Variants in LRRC49 observed in about 807,000 individuals in gnomAD.
LRRC49 encodes the protein leucine-rich repeat-containing protein 49.
In LRRC49, 50 loss-of-function variants were observed where a neutral mutation model predicts 83.3. That is an observed-to-expected ratio of 0.60 (90% CI 0.48 to 0.76). The LOEUF is 0.76. Ranked by LOEUF, LRRC49 falls within the 30% of genes least tolerant of loss-of-function variation. The pLI is 0.00. For missense variants in LRRC49, 704 were observed against 809.1 expected (o/e 0.87, Z 1.58); for synonymous variants, 286 against 283.3 (o/e 1.01, Z -0.10).
chr15:70,853,949 G>A lies in LRRC49; in HGVS notation c.-299+480G>A, dbSNP rs768329627. ...GCCCCAGCCGGGGCTGAGGTACCGG[G>A]CCGGGTCCCCGGCGCCCCGAGTCTC... On this transcript the variant is annotated intron_variant, in intron 1 of 16. Transcript: ENST00000544974. 1.3e-4 allele frequency: 194 copies of A among 1,449,206 alleles called. No homozygotes were observed. The highest frequency in any genetic ancestry group is 2.1e-4 in the Middle Eastern group (1 of 4,870). The allele number at this position is 1,449,206 out of a possible 1,614,324, so 89.8% of individuals were successfully genotyped here.
chr15:70,909,568 C>T (rs755687402), intron 5 of LRRC49, among the ~76,000 whole-genome samples: 35 of 152,076 alleles, frequency 2.3e-4, no homozygotes, highest in African/African-American at 4.3e-4. Context: ...GGGCTGGGCG[C>T]GGTGGCTCAT....
At chr15:70,932,385 A>T (rs148687698) in intron 7 of LRRC49, among the ~76,000 whole-genome samples, 1 of 152,264 alleles carries the variant, frequency 6.6e-6, no homozygotes, top group Admixed American at 6.5e-5. Context: ...AAAAAGGAAT[A>T]CTTCATTGTT....
chr15:70,892,995 G>A (rs2033653781), intron 1 of LRRC49, 53 bp downstream of exon 1: 1 of 1,594,032 alleles, frequency 6.3e-7, no homozygotes, highest in Admixed American at 1.7e-5. Context: ...CTTTCTGACT[G>A]GCGTCTTTGT....
chr15:70,892,905 G>A lies in LRRC49; in HGVS notation c.11G>A (p.Gly4Glu), dbSNP rs2033646823. Residue 4 changes from glycine to glutamate, a missense_variant, in exon 1 of 16, where the codon GGG becomes GAG. This residue lies in a region of LRRC49 where 261 missense variants were observed against 330.5 expected (regional missense o/e 0.79). Transcript: ENST00000260382. The part of the protein sequence containing the change: MIP[G>E]KYRSVSGRAA... ...GGACTGTCTCCTATCATGATTCCCG[G>A]GAAATATCGCTCTGTTTCTGGCCGG... The A allele has an allele frequency of 6.2e-7, 1 of 1,614,056 alleles. No homozygotes were observed. Among genetic ancestry groups the A allele is most frequent in the South Asian group, 1.1e-5 (1 of 91,086 alleles).
intron 8 of LRRC49, among the ~76,000 whole-genome samples, chr15:70,949,926 G>A (rs2036155626): frequency 6.6e-6 from 1 of 152,124 alleles, no homozygotes; most frequent in Non-Finnish European, 1.5e-5. Context: ...AGTGAGCACA[G>A]TACCAGATAG....
At chr15:70,996,358 C>G (rs983632341) in intron 11 of LRRC49, among the ~76,000 whole-genome samples, 1 of 151,948 alleles carries the variant, frequency 6.6e-6, no homozygotes, top group Non-Finnish European at 1.5e-5. Flanking sequence ...TGCATTTTAT[C>G]TAAACAAGGA....
chr15:71,031,459 AG>A (rs1464007697), intron 14 of LRRC49, among the ~76,000 whole-genome samples: 1 of 152,210 alleles, frequency 6.6e-6, no homozygotes, highest in East Asian at 1.9e-4. Context: ...TCTCCCATTC[AG>A]GAGGCACGGG....
intron 14 of LRRC49, among the ~76,000 whole-genome samples, chr15:71,023,614 G>C (rs1368683918): frequency 1.3e-5 from 2 of 152,212 alleles, no homozygotes; most frequent in African/African-American, 4.8e-5. Context: ...AGGGCAAGGG[G>C]AGCTCCCACC....
At chr15:71,037,098 C>T (rs979230333) in intron 14 of LRRC49, 81 bp from the exon 15 acceptor site, 2 of 945,242 alleles carry the variant, frequency 2.1e-6, no homozygotes, top group Admixed American at 4.6e-5. Context: ...TATATGTTCT[C>T]CTCTAAAGTC....
intron 7 of LRRC49, among the ~76,000 whole-genome samples, chr15:70,929,345 G>A (rs559401050): frequency 1.3e-5 from 2 of 152,264 alleles, no homozygotes; most frequent in South Asian, 2.1e-4. Context: ...ACACTATACT[G>A]TAGTCTATTA....
chr15:70,883,898 C>T (rs1389797251), intron 2 of LRRC49, among the ~76,000 whole-genome samples: 1 of 151,364 alleles, frequency 6.6e-6, no homozygotes. Flanking sequence ...TCAAGTGATC[C>T]GCCTGCCTCA....
chr15:71,007,196 C>T (rs2038487888), intron 11 of LRRC49, among the ~76,000 whole-genome samples: 2 of 151,916 alleles, frequency 1.3e-5, no homozygotes, highest in Admixed American at 6.6e-5. Context: ...AACAACAGGG[C>T]AGCGCTTTCT....
At chr15:70,944,888 G>C (rs2035954800) in intron 8 of LRRC49, among the ~76,000 whole-genome samples, 1 of 152,096 alleles carries the variant, frequency 6.6e-6, no homozygotes, top group Admixed American at 6.6e-5. Flanking sequence ...TATAATCTGG[G>C]TATTCATTGA....
chr15:70,863,637 T>C (rs2032844760), intron 1 of LRRC49, among the ~76,000 whole-genome samples: 2 of 152,192 alleles, frequency 1.3e-5, no homozygotes, highest in Non-Finnish European at 2.9e-5. Flanking sequence ...ACCACAAGCC[T>C]GACTCACTAA....
chr15:70,944,439 C>T (rs773857620), intron 8 of LRRC49, among the ~76,000 whole-genome samples: 1 of 152,114 alleles, frequency 6.6e-6, no homozygotes, highest in Non-Finnish European at 1.5e-5. Flanking sequence ...TCTCACTGCT[C>T]TGTCGCCCAG....
rs576948794 is a variant in LRRC49 at position 70,875,781 on chromosome 15, G to A, written c.18+2558G>A. On this transcript the variant is annotated intron_variant, in intron 2 of 16. Transcript: ENST00000544974. ...TCTAAGTACACTATAGCCGATAAGC[G>A]TCTTGGAGCCTAGATTGGAACTTCG... Among the ~76,000 whole-genome samples, 5 of 152,288 alleles carry A rather than the reference G, an allele frequency of 3.3e-5. No homozygotes were observed. The East Asian group carries it at 5.8e-4, about 18-fold the overall frequency.
chr15:70,955,541 G>A (rs976965240), intron 8 of LRRC49, among the ~76,000 whole-genome samples: 9 of 152,180 alleles, frequency 5.9e-5, no homozygotes, highest in Admixed American at 1.3e-4. Context: ...GTGTCTACTA[G>A]TTAGACTCTC....
At chr15:71,022,455 A>T (rs1298368247) in intron 14 of LRRC49, among the ~76,000 whole-genome samples, 1 of 152,232 alleles carries the variant, frequency 6.6e-6, no homozygotes, top group Non-Finnish European at 1.5e-5. Context: ...TTTACAAGAG[A>T]TACATCTGAC....
intron 12 of LRRC49, among the ~76,000 whole-genome samples, chr15:71,009,120 T>C (rs2038562389): frequency 6.6e-6 from 1 of 151,908 alleles, no homozygotes; most frequent in Non-Finnish European, 1.5e-5. Flanking sequence ...GAGTTCTCTC[T>C]TGAGTTTCTA....
Sources: allele counts gnomAD v4.1 joint callset (sites outside exome capture counted in the v4.1 genomes callset), GRCh38; gene constraint gnomAD v4.1.1; regional missense constraint gnomAD v4.1.1; transcripts MANE v1.5; gene names NCBI Gene and HGNC (gene_info 2026-07-23, HGNC 2026-07-21).